The following RPL15 variants were observed in gnomAD, a reference collection of about 807,000 sequenced individuals.
The protein encoded by RPL15 is ribosomal protein L15.
For synonymous variants in RPL15, 97 were observed against 95.1 expected (o/e 1.02, Z -0.12); for missense variants, 161 against 271.8 (o/e 0.59, Z 2.87).
At position 23,918,595 on chromosome 3, in the gene RPL15, CAGTT is replaced by C; in HGVS notation, c.309+21_309+24del. 6.2e-7 allele frequency: 1 copy of C among 1,611,454 alleles called. No individual in the cohort carries two copies. Among genetic ancestry groups the C allele is most frequent in the South Asian group, 1.1e-5 (1 of 90,728 alleles). The stretch of plus-strand genomic sequence containing the variant: ...TGCAGAGGTAAATGGTTTTGAGTAG[CAGTT>C]ATATTGAATACTGCCTGGGGATGGT... On this transcript the variant is annotated intron_variant, in intron 3 of 3. Coordinates refer to ENST00000307839, the MANE Select transcript of RPL15 (RefSeq NM_002948.5).
intron 2 of RPL15, 173 bp from the exon 3 acceptor site, chr3:23,918,267 T>G: frequency 1.1e-6 from 1 of 908,386 alleles, no homozygotes; most frequent in Non-Finnish European, 1.6e-6. Context: ...TGCCTCCCTG[T>G]GTGAGTAGCC....
chr3:23,922,655 G>C (rs551152954), downstream of RPL15: 1 of 152,152 alleles, frequency 6.6e-6, no homozygotes, highest in African/African-American at 2.4e-5. This position sits in a 1 kb window ranked among gnomAD's most constrained non-coding sequence, Gnocchi z 4.2. Context: ...CAAAGTGCCG[G>C]GATTACAGGT....
intron 3 of RPL15, 158 bp from the exon 4 acceptor site, chr3:23,919,038 T>G (rs1305561218): frequency 1.6e-6 from 1 of 621,172 alleles, no homozygotes; most frequent in African/African-American, 1.8e-5. Context: ...ATTATCTCAT[T>G]ACACTTGTGA....
chr3:23,921,532 T>C (rs1219064270), downstream of RPL15: 1 of 682,164 alleles, frequency 1.5e-6, no homozygotes, highest in East Asian at 2.7e-5. Context: ...ACTATTTCTA[T>C]ATTGGCATGT....
downstream of RPL15, chr3:23,921,654 A>T: frequency 1.5e-6 from 1 of 681,364 alleles, no homozygotes; most frequent in Admixed American, 2.2e-5. Flanking sequence ...GGCTCACTGC[A>T]ACCTCTGTCT....
chr3:23,921,801 C>T (rs1705096910), downstream of RPL15: 1 of 570,352 alleles, frequency 1.8e-6, no homozygotes, highest in Non-Finnish European at 3.1e-6. Context: ...TCTCGAACTC[C>T]TGACCTCAAG....
At position 23,920,834 on chromosome 3, in the gene RPL15, TAAACTA is replaced by T. The variant is rs1328378202; in HGVS notation, c.*1338_*1343del. ...TTCAACTGAAGGAATAAATGTCTAT[TAAACTA>T]AAACAAATGGACCTTCTGTTATTTT... is the stretch of plus-strand genomic sequence containing the variant. On this transcript the variant is annotated 3_prime_UTR_variant, in exon 4 of 4. Transcript: ENST00000307839. The T allele has an allele frequency of 8.8e-6, 8 of 911,198 alleles. No homozygotes were observed. The African/African-American group carries it at 1.3e-4, about 14-fold the overall frequency. 56.4% of individuals were successfully genotyped at this position (911,198 alleles called of 1,614,324 possible).
In RPL15 at chr3:23,919,632, A is replaced by G. The variant is rs1357080525; in HGVS notation, c.*131A>G. ...AATGCTTTGTCAAATTAAGAAAGTT[A>G]AAGTGCAATAATGTTTGAAGACAAT... is the stretch of plus-strand genomic sequence containing the variant. On this transcript the variant is annotated 3_prime_UTR_variant, in exon 4 of 4. Transcript: ENST00000307839. The G allele has an allele frequency of 3.5e-6, 5 of 1,423,058 alleles. No individual in the cohort carries two copies. The African/African-American group carries it at 5.7e-5, about 16-fold the overall frequency. The allele number at this position is 1,423,058 out of a possible 1,614,324, so 88.2% of individuals were successfully genotyped here.
chr3:23,917,172 A>G lies in RPL15; in HGVS notation c.-12A>G. The G allele has an allele frequency of 6.5e-6, 1 of 153,040 alleles. No individual in the cohort carries two copies. The highest frequency in any genetic ancestry group is 1.5e-5 in the Non-Finnish European group (1 of 68,502). 9.5% of individuals were successfully genotyped at this position (153,040 alleles called of 1,614,324 possible). ...TCCTTTCCGTCTGGCGGCAGCCATC[A>G]GGTAGGCTGCGTTGAGGATCTTTGC... On this transcript the variant is annotated splice_region_variant and 5_prime_UTR_variant, in exon 1 of 4. Transcript: ENST00000307839.
Position 23,920,281 on chromosome 3 carries a change from G to T in RPL15, c.*780G>T. The T allele has an allele frequency of 1.0e-6, 1 of 985,746 alleles. No individual in the cohort carries two copies. The highest frequency in any genetic ancestry group is 1.2e-6 in the Non-Finnish European group (1 of 829,864). The allele number at this position is 985,746 out of a possible 1,614,324, so 61.1% of individuals were successfully genotyped here. A position where few individuals can be genotyped will look rare whatever the true frequency, so the allele number is the denominator to read the frequency against. ...AGTCACATTAGGGGGAAAGTAGTTGGCTATAAGTACGTCATTCTTAGTCCA... is the reference window on the plus strand; with the variant it reads ...AGTCACATTAGGGGGAAAGTAGTTGTCTATAAGTACGTCATTCTTAGTCCA... On this transcript the variant is annotated 3_prime_UTR_variant, in exon 4 of 4. Transcript: ENST00000307839.
At chr3:23,922,688 C>CT (rs1257603802), downstream of RPL15, 1 of 152,190 alleles carries the variant, frequency 6.6e-6, no homozygotes, top group Non-Finnish European at 1.5e-5. The surrounding 1 kb of genome is among the most constrained non-coding windows in gnomAD (Gnocchi z 4.2). Context: ...ACGTGGCCAA[C>CT]TTAAAGTTTT....
At chr3:23,917,563 C>T (rs888437796) in intron 1 of RPL15, 1 of 303,978 alleles carries the variant, frequency 3.3e-6, no homozygotes, top group Non-Finnish European at 6.1e-6. Flanking sequence ...TCCTTGGGGA[C>T]GCCGCCTGCC....
In RPL15 at chr3:23,920,852, C is replaced by T. The variant is rs142124915; in HGVS notation, c.*1351C>T. 3 of 877,954 alleles carry T rather than the reference C, an allele frequency of 3.4e-6. No homozygotes were observed. The highest frequency in any genetic ancestry group is 2.7e-6 in the Non-Finnish European group (2 of 732,162). 54.4% of individuals were successfully genotyped at this position (877,954 alleles called of 1,614,324 possible). A position where few individuals can be genotyped will look rare whatever the true frequency, so the allele number is the denominator to read the frequency against. On this transcript the variant is annotated 3_prime_UTR_variant, in exon 4 of 4. Coordinates refer to ENST00000307839, the MANE Select transcript of RPL15 (RefSeq NM_002948.5). ...TGTCTATTAAACTAAAACAAATGGA[C>T]CTTCTGTTATTTTTTGTCATCTTAC...
chr3:23,919,559 C>T lies in RPL15; in HGVS notation c.*58C>T. 1.4e-6 allele frequency: 2 copies of T among 1,446,132 alleles called. No homozygotes were observed. The highest frequency in any genetic ancestry group is 1.5e-5 in the South Asian group (1 of 68,862). The allele number at this position is 1,446,132 out of a possible 1,614,324, so 89.6% of individuals were successfully genotyped here. On this transcript the variant is annotated 3_prime_UTR_variant, in exon 4 of 4. Transcript: ENST00000307839. The stretch of plus-strand genomic sequence containing the variant: ...AAACAATTTAGGACAGTCATGTCTG[C>T]TTACAGGTGTTATTTGTCTGTTAAA...
At position 23,920,872 on chromosome 3, in the gene RPL15, T is replaced by C. The variant is rs535206965; in HGVS notation, c.*1371T>C. The C allele has an allele frequency of 1.2e-4, 87 of 730,290 alleles. No homozygotes were observed. In the African/African-American group the frequency reaches 1.5e-3, roughly 13 times the overall value. 45.2% of individuals were successfully genotyped at this position (730,290 alleles called of 1,614,324 possible). ...ATGGACCTTCTGTTATTTTTTGTCA[T>C]CTTACAGTGCTAATGTACTTTAAAG... On this transcript the variant is annotated 3_prime_UTR_variant, in exon 4 of 4. Transcript: ENST00000307839.
Position 23,918,422 on chromosome 3 carries a change from G to A in RPL15, c.173-18G>A, listed in dbSNP as rs36038704. On this transcript the variant is annotated intron_variant, in intron 2 of 3. Coordinates refer to ENST00000307839, the MANE Select transcript of RPL15 (RefSeq NM_002948.5). ...GGCTTCCTATAAAATCACTAATTTC[G>A]TGTGTGTTTGTGTGTAGGTTACGTT... The A allele has an allele frequency of 6.2e-3, 9,983 of 1,608,784 alleles. 36 individuals carry two copies. Among genetic ancestry groups the A allele is most frequent in the Non-Finnish European group, 7.6e-3 (8,984 of 1,178,598 alleles).
Position 23,920,304 on chromosome 3 carries a change from C to G in RPL15, c.*803C>G, listed in dbSNP as rs1436418192. ...TGGCTATAAGTACGTCATTCTTAGT[C>G]CAGTCAGTCTTAAAAACATCTTGGG... On this transcript the variant is annotated 3_prime_UTR_variant, in exon 4 of 4. Transcript: ENST00000307839. 1.0e-6 allele frequency: 1 copy of G among 985,610 alleles called. No homozygotes were observed. The highest frequency in any genetic ancestry group is 1.7e-5 in the African/African-American group (1 of 57,220). The allele number at this position is 985,610 out of a possible 1,614,324, so 61.1% of individuals were successfully genotyped here.
intron 3 of RPL15, 120 bp downstream of exon 3, chr3:23,918,696 G>A (rs1704862487): frequency 4.2e-6 from 5 of 1,198,916 alleles, no homozygotes; most frequent in Non-Finnish European, 5.8e-6. Flanking sequence ...CAGGGTTTGT[G>A]ATTTTTACTA....
At chr3:23,918,704 C>T (rs749598671) in intron 3 of RPL15, 128 bp downstream of exon 3, 78 of 1,142,126 alleles carry the variant, frequency 6.8e-5, no homozygotes, top group Non-Finnish European at 7.0e-5. Context: ...GTGATTTTTA[C>T]TAATCTTGGT....
Sources: gnomAD v4.1 joint callset for allele counts on GRCh38, gnomAD v4.1.1 for gene constraint, Gnocchi (gnomAD v3.1) non-coding constraint, MANE v1.5 for transcripts, NCBI Gene and HGNC (gene_info 2026-07-23, HGNC 2026-07-21) for gene names.